The following MIPEP variants were observed in gnomAD, a reference collection of about 807,000 sequenced individuals.
The protein encoded by MIPEP is mitochondrial intermediate peptidase.
Under a neutral mutation model 90.3 loss-of-function variants are expected in MIPEP, and 79 were observed. The ratio of observed to expected loss-of-function variants is 0.87; its 90% CI spans 0.73 to 1.05. The LOEUF is 1.05. MIPEP is among the 50% of genes least tolerant of loss of function. MIPEP has a pLI of 0.00. For missense variants in MIPEP, 940 were observed against 905.6 expected, an observed-to-expected ratio of 1.04 and a Z score of -0.49; for synonymous variants, 334 against 315.8, an observed-to-expected ratio of 1.06 and a Z score of -0.61.
rs768150177 is a variant in MIPEP at position 23,760,062 on chromosome 13, C to G, written c.1970+34G>C. The G allele has an allele frequency of 4.3e-6, 7 of 1,613,498 alleles. No individual in the cohort carries two copies. The Admixed American group carries it at 1.2e-4, about 27-fold the overall frequency. ...AATAGAGTGGGGAATTACTGTGGTC[C>G]AAGATGGGGACATTTTAGAACTTAC... On this transcript the variant is annotated intron_variant, in intron 17 of 18. Transcript: ENST00000382172.
chr13:23,876,044 ATC>A (rs1871059033), intron 4 of MIPEP, among the ~76,000 whole-genome samples: 1 of 152,204 alleles, frequency 6.6e-6, no homozygotes, highest in Admixed American at 6.5e-5. Context: ...TATAATAAAA[ATC>A]CTTGTTACAG....
At chr13:23,790,098 C>T (rs1565994784) in intron 16 of MIPEP, among the ~76,000 whole-genome samples, 1 of 152,286 alleles carries the variant, frequency 6.6e-6, no homozygotes, top group Middle Eastern at 3.4e-3. Flanking sequence ...GCTGGTTTCT[C>T]GCCAAATCCT....
chr13:23,769,931 T>G (rs543484224), intron 16 of MIPEP, among the ~76,000 whole-genome samples: 6 of 152,128 alleles, frequency 3.9e-5, no homozygotes, highest in Non-Finnish European at 8.8e-5. Flanking sequence ...AGCTAGCCCA[T>G]GAGCACACTC....
intron 16 of MIPEP, among the ~76,000 whole-genome samples, chr13:23,767,325 A>G (rs878872091): frequency 6.6e-6 from 1 of 152,202 alleles, no homozygotes; most frequent in Non-Finnish European, 1.5e-5. Flanking sequence ...ACTAATACCA[A>G]TATCTATTTT....
intron 18 of MIPEP, among the ~76,000 whole-genome samples, chr13:23,748,731 C>G (rs562315281): frequency 1.3e-5 from 2 of 152,318 alleles, no homozygotes; most frequent in South Asian, 4.1e-4. Context: ...AAGTCCCTCA[C>G]AAATGTAAAA....
At chr13:23,879,041 T>C (rs748174493) in intron 4 of MIPEP, among the ~76,000 whole-genome samples, 37 of 152,200 alleles carry the variant, frequency 2.4e-4, no homozygotes, top group Non-Finnish European at 4.9e-4. Flanking sequence ...ACGAGGGCTA[T>C]GAAGAAAAAT....
intron 6 of MIPEP, 73 bp from the exon 7 acceptor site, chr13:23,869,521 A>C: frequency 4.7e-4 from 620 of 1,323,236 alleles, no homozygotes; most frequent in Middle Eastern, 5.7e-4. Flanking sequence ...ACACAGGCTC[A>C]TGCTCACCAC....
intron 16 of MIPEP, among the ~76,000 whole-genome samples, chr13:23,760,987 A>C (rs1952536474): frequency 6.6e-6 from 1 of 152,214 alleles, no homozygotes; most frequent in Non-Finnish European, 1.5e-5. Context: ...TTCATGAACT[A>C]GTTTTTGTAA....
intron 14 of MIPEP, among the ~76,000 whole-genome samples, chr13:23,835,134 C>T (rs1165496326): frequency 5.3e-5 from 8 of 151,090 alleles, no homozygotes; most frequent in African/African-American, 1.9e-4. Flanking sequence ...GATTCTCCTG[C>T]CTCAGCCTCC....
intron 1 of MIPEP, chr13:23,888,926 T>A (rs1234916930): frequency 3.8e-6 from 2 of 522,924 alleles, no homozygotes; most frequent in Non-Finnish European, 5.9e-6. Flanking sequence ...CCCGACACTC[T>A]GGGTAGGAGA....
intron 16 of MIPEP, among the ~76,000 whole-genome samples, chr13:23,780,467 C>G (rs7323911): frequency 6.6e-6 from 1 of 151,870 alleles, no homozygotes; most frequent in East Asian, 1.9e-4. Flanking sequence ...TCACCATCAT[C>G]AAAGACCAAA....
intron 14 of MIPEP, among the ~76,000 whole-genome samples, chr13:23,815,699 C>A (rs925863514): frequency 2.0e-5 from 3 of 152,190 alleles, no homozygotes; most frequent in African/African-American, 7.2e-5. Context: ...GAAGAGGATG[C>A]TTTCTCTAAC....
chr13:23,756,826 T>G, intron 17 of MIPEP: 2 of 566,710 alleles, frequency 3.5e-6, no homozygotes, highest in Non-Finnish European at 6.2e-6. Context: ...ACATATTCCC[T>G]GTAAGAGGAT....
intron 15 of MIPEP, 74 bp from the exon 16 acceptor site, chr13:23,806,143 A>G (rs772929784): frequency 2.2e-5 from 32 of 1,482,570 alleles, no homozygotes; most frequent in Non-Finnish European, 2.4e-5. Context: ...CAAAGATGCT[A>G]TAAGTGCACC....
intron 4 of MIPEP, among the ~76,000 whole-genome samples, chr13:23,877,134 G>A (rs573261364): frequency 2.4e-4 from 37 of 152,102 alleles, no homozygotes; most frequent in African/African-American, 8.7e-4. Context: ...TTTTCCTTAC[G>A]AGAGTTTTCC....
chr13:23,773,438 G>A (rs1302137777), intron 16 of MIPEP, among the ~76,000 whole-genome samples: 2 of 152,050 alleles, frequency 1.3e-5, no homozygotes, highest in African/African-American at 4.8e-5. Context: ...TTTTTGGGTG[G>A]GCATATGTTT....
chr13:23,806,376 C>T (rs1000434182), intron 15 of MIPEP, among the ~76,000 whole-genome samples: 2 of 152,054 alleles, frequency 1.3e-5, no homozygotes, highest in Admixed American at 6.6e-5. Context: ...GGAATTTTGC[C>T]AAAATATATG....
intron 16 of MIPEP, among the ~76,000 whole-genome samples, chr13:23,768,444 G>A (rs74038717): frequency 0.019 from 2,826 of 152,260 alleles, 93 homozygotes; most frequent in African/African-American, 0.065. Flanking sequence ...GACCAGGCAC[G>A]GTGGCTCATG....
intron 7 of MIPEP, among the ~76,000 whole-genome samples, chr13:23,865,010 G>GA (rs1227191397): frequency 6.1e-5 from 6 of 98,534 alleles, no homozygotes; most frequent in African/African-American, 1.6e-4. Flanking sequence ...GGATAAATAT[G>GA]AAAAAAATAG....
Sources: allele counts gnomAD v4.1 joint callset (sites outside exome capture counted in the v4.1 genomes callset), GRCh38; gene constraint gnomAD v4.1.1; transcripts MANE v1.5; gene names NCBI Gene and HGNC (gene_info 2026-07-23, HGNC 2026-07-21).